Variants in THEMIS observed in about 807,000 individuals in gnomAD.
THEMIS encodes the protein thymocyte selection associated, also known as protein THEMIS.
A neutral mutation model predicts 52.6 loss-of-function variants in THEMIS; 37 were observed. The ratio of observed to expected loss-of-function variants is 0.70; its 90% CI spans 0.54 to 0.93. The LOEUF (loss-of-function observed/expected upper bound fraction) is 0.93. THEMIS is among the 40% of genes least tolerant of loss of function. The probability of loss-of-function intolerance (pLI) is 0.00; values close to 1 mark genes in which losing one functional copy is unlikely to be tolerated. For synonymous variants in THEMIS, 292 were observed against 272.7 expected (o/e 1.07, Z -0.70); for missense variants, 808 against 763.1 (o/e 1.06, Z -0.69).
chr6:127,707,551 C>T (rs1773829487), downstream of THEMIS, among the ~76,000 whole-genome samples: 1 of 152,052 alleles, frequency 6.6e-6, no homozygotes, highest in African/African-American at 2.4e-5. Context: ...TGGACCACAG[C>T]AGTAGAAGTA....
intron 1 of THEMIS, among the ~76,000 whole-genome samples, chr6:127,917,531 G>A: frequency 6.6e-6 from 1 of 152,188 alleles, no homozygotes; most frequent in Non-Finnish European, 1.5e-5. Flanking sequence ...GCTTCCTTGT[G>A]TCAAAGTTCC....
At chr6:127,838,341 A>G (rs1196021242) in intron 2 of THEMIS, among the ~76,000 whole-genome samples, 1 of 152,098 alleles carries the variant, frequency 6.6e-6, no homozygotes, top group African/African-American at 2.4e-5. Context: ...TTGTGTTAGT[A>G]CAAACTAATT....
At chr6:127,820,483 G>A (rs1411738908) in intron 3 of THEMIS, among the ~76,000 whole-genome samples, 1 of 152,126 alleles carries the variant, frequency 6.6e-6, no homozygotes, top group East Asian at 1.9e-4. Flanking sequence ...GAGACTCACT[G>A]AAAGAAGCAC....
chr6:127,903,334 A>C (rs2114512265), upstream of THEMIS, among the ~76,000 whole-genome samples: 1 of 152,226 alleles, frequency 6.6e-6, no homozygotes, highest in South Asian at 2.1e-4. Flanking sequence ...TGAATCATCA[A>C]GTAAAATGAA....
intron 1 of THEMIS, among the ~76,000 whole-genome samples, chr6:127,907,105 A>C (rs1583416951): frequency 6.6e-6 from 1 of 152,098 alleles, no homozygotes; most frequent in East Asian, 1.9e-4. Flanking sequence ...AAAACGAAGA[A>C]ATCTTAGAGA....
intron 4 of THEMIS, among the ~76,000 whole-genome samples, chr6:127,751,924 T>C (rs1328863655): frequency 6.6e-6 from 1 of 151,668 alleles, no homozygotes; most frequent in Non-Finnish European, 1.5e-5. Context: ...TGTATCATTC[T>C]CCAAAATAGG....
intron 3 of THEMIS, among the ~76,000 whole-genome samples, chr6:127,816,576 A>T (rs1216995492): frequency 6.6e-6 from 1 of 152,118 alleles, no homozygotes; most frequent in Non-Finnish European, 1.5e-5. Context: ...CTTTTTTAAC[A>T]CCTGAAATAT....
rs142123167 is a variant in THEMIS, at chr6:127,819,118, T to TAAAA, written c.710-5191_710-5188dup. On this transcript the variant is annotated intron_variant, in intron 3 of 5. Transcript: ENST00000368248. ...CTGGGTGAAAGAGTGAGACTCTGTCTAAAAAAAAAAAAAAAAAAAAAAAAA... is the reference window on the plus strand; with the variant it reads ...CTGGGTGAAAGAGTGAGACTCTGTCTAAAAAAAAAAAAAAAAAAAAAAAAAAAAA... 9.7e-3 allele frequency among the ~76,000 whole-genome samples: 189 copies of TAAAA among 19,490 alleles called. 7 individuals carry two copies. The highest frequency in any genetic ancestry group is 0.042 in the Middle Eastern group (1 of 24). The allele number at this position is 19,490 out of a possible 152,430, so 12.8% of individuals were successfully genotyped here.
Position 127,813,394 on chromosome 6 carries a change from A to AT in THEMIS, c.1246dup (p.Ile416AsnfsTer7), listed in dbSNP as rs890866881. ...CGCAGCCTCATAGGACTTTTTGAGG[A>AT]TTTTTTCACAGGCCAGAACATTCAC... On this transcript the variant is annotated frameshift_variant, in exon 4 of 6. Transcript: ENST00000368248. LOFTEE classifies it high-confidence loss of function. 1.2e-5 allele frequency: 20 copies of AT among 1,613,400 alleles called. No homozygotes were observed. Among genetic ancestry groups the AT allele is most frequent in the Non-Finnish European group, 1.6e-5 (19 of 1,179,800 alleles).
chr6:127,791,510 G>T (rs1463667165), intron 4 of THEMIS, among the ~76,000 whole-genome samples: 1 of 152,176 alleles, frequency 6.6e-6, no homozygotes, highest in African/African-American at 2.4e-5. Context: ...GAGCAGTCAT[G>T]GGAGGCCCCA....
intron 2 of THEMIS, among the ~76,000 whole-genome samples, chr6:127,847,519 G>A (rs572873958): frequency 2.4e-4 from 36 of 151,732 alleles, no homozygotes; most frequent in Non-Finnish European, 4.1e-4. Context: ...AATCAAGAAC[G>A]CAATCCCTTC....
rs563185355 is a variant in THEMIS at position 127,726,224 on chromosome 6, G to A, written c.1759-6401C>T. ...GAAAGTCAGACATTTAAAAGAGTTG[G>A]TATCTACCCTGAACTTTTCTTGGGT... is the stretch of plus-strand genomic sequence containing the variant. On this transcript the variant is annotated intron_variant, in intron 4 of 5. Transcript: ENST00000368248. Among the ~76,000 whole-genome samples the A allele has an allele frequency of 4.1e-4, 62 of 152,178 alleles. 1 individual carries two copies. Among genetic ancestry groups the A allele is most frequent in the Admixed American group, 1.1e-3 (17 of 15,274 alleles).
chr6:127,764,442 CAATAAG>C lies in THEMIS; in HGVS notation c.1759-44625_1759-44620del, dbSNP rs1208975214. 4.0e-5 allele frequency among the ~76,000 whole-genome samples: 6 copies of C among 151,770 alleles called. No homozygotes were observed. The East Asian group carries it at 1.2e-3, about 29-fold the overall frequency. ...CATGTCTGCAGCAGACTCCTATAAT[CAATAAG>C]AATAAAATATAAAAGAAAATGTTTC... On this transcript the variant is annotated intron_variant, in intron 4 of 5. Coordinates refer to ENST00000368248, the MANE Select transcript of THEMIS (RefSeq NM_001010923.3).
chr6:127,802,504 T>C (rs2114566770), intron 4 of THEMIS, among the ~76,000 whole-genome samples: 1 of 152,338 alleles, frequency 6.6e-6, no homozygotes, highest in South Asian at 2.1e-4. Context: ...CAGAATAATC[T>C]GATGTGTGTA....
chr6:127,786,718 A>G (rs1422038217), intron 4 of THEMIS, among the ~76,000 whole-genome samples: 3 of 152,226 alleles, frequency 2.0e-5, no homozygotes, highest in African/African-American at 4.8e-5. Flanking sequence ...AATCTATTTC[A>G]GCATAAAGGC....
chr6:127,829,429 C>A lies in THEMIS; in HGVS notation c.709+47G>T, dbSNP rs376531777. 21 of 1,464,274 alleles carry A rather than the reference C, an allele frequency of 1.4e-5. 1 individual carries two copies. The South Asian group carries it at 2.1e-4, about 14-fold the overall frequency. 90.7% of individuals were successfully genotyped at this position (1,464,274 alleles called of 1,614,324 possible). On this transcript the variant is annotated intron_variant, in intron 3 of 5. Coordinates refer to ENST00000368248, the MANE Select transcript of THEMIS (RefSeq NM_001010923.3). ...GCTCTAAAATCTTTCTTTCCCAAAC[C>A]CCATAATGCTCATGCTCATAGAACA...
chr6:127,863,909 T>C (rs1023486653), intron 1 of THEMIS, among the ~76,000 whole-genome samples: 9 of 152,160 alleles, frequency 5.9e-5, no homozygotes, highest in African/African-American at 2.2e-4. Context: ...TGTCTTAAAT[T>C]TGAGCAGCAA....
intron 2 of THEMIS, among the ~76,000 whole-genome samples, chr6:127,836,392 C>T (rs1484256014): frequency 6.6e-6 from 1 of 152,146 alleles, no homozygotes; most frequent in Admixed American, 6.5e-5. Flanking sequence ...CTATAACTGT[C>T]AACATATGCT....
At chr6:127,834,340 C>T (rs565247616) in intron 2 of THEMIS, among the ~76,000 whole-genome samples, 39 of 146,082 alleles carry the variant, frequency 2.7e-4, no homozygotes, top group Admixed American at 6.4e-4. Context: ...GGAGGCCAAG[C>T]GGGGACAAAT....
Sources: gnomAD v4.1 joint callset for allele counts (sites outside exome capture counted in the v4.1 genomes callset) on GRCh38, gnomAD v4.1.1 for gene constraint, MANE v1.5 for transcripts, NCBI Gene and HGNC (gene_info 2026-07-23, HGNC 2026-07-21) for gene names.